Variants in KCNMB2 observed in about 807,000 individuals in gnomAD.
KCNMB2 encodes calcium-activated potassium channel subunit beta-2.
Under a neutral mutation model 24.5 loss-of-function variants are expected in KCNMB2, and 9 were observed. The ratio of observed to expected loss-of-function variants is 0.37; its 90% CI spans 0.22 to 0.64. The LOEUF (loss-of-function observed/expected upper bound fraction) is 0.64. Among genes scored for constraint, KCNMB2 ranks in the 30% least tolerant of loss-of-function variants. The probability of loss-of-function intolerance (pLI) is 0.63; values close to 1 mark genes in which losing one functional copy is unlikely to be tolerated. For missense variants in KCNMB2, 226 were observed against 284.3 expected, an observed-to-expected ratio of 0.79 and a Z score of 1.47; for synonymous variants, 109 against 104.4, an observed-to-expected ratio of 1.04 and a Z score of -0.27.
At chr3:178,694,496 C>T (rs1577103609) in intron 1 of KCNMB2, among the ~76,000 whole-genome samples, 1 of 152,300 alleles carries the variant, frequency 6.6e-6, no homozygotes, top group Non-Finnish European at 1.5e-5. Flanking sequence ...TGAGACCAGG[C>T]AAGTCCCTTC....
At chr3:178,690,852 T>A (rs1439581208) in intron 1 of KCNMB2, among the ~76,000 whole-genome samples, 1 of 152,220 alleles carries the variant, frequency 6.6e-6, no homozygotes, top group Non-Finnish European at 1.5e-5. Context: ...AGGGAATCTA[T>A]GGAATCATCT....
chr3:178,816,104 A>G (rs1013200325), intron 2 of KCNMB2, among the ~76,000 whole-genome samples: 7 of 151,912 alleles, frequency 4.6e-5, no homozygotes, highest in African/African-American at 1.7e-4. Flanking sequence ...TTAGCTATAA[A>G]TCATCAGAGA....
At chr3:178,617,691 C>A (rs931231233) in intron 1 of KCNMB2, among the ~76,000 whole-genome samples, 2 of 151,826 alleles carry the variant, frequency 1.3e-5, no homozygotes, top group African/African-American at 4.8e-5. Flanking sequence ...AGATCAAGAT[C>A]ATCCTGGCCA....
chr3:178,664,288 A>G (rs1404449618), intron 1 of KCNMB2, among the ~76,000 whole-genome samples: 1 of 152,144 alleles, frequency 6.6e-6, no homozygotes, highest in Non-Finnish European at 1.5e-5. Context: ...TTGGAATTTT[A>G]GAAACATTTC....
intron 1 of KCNMB2, among the ~76,000 whole-genome samples, chr3:178,571,933 T>C (rs1280942975): frequency 3.9e-5 from 6 of 152,220 alleles, no homozygotes. Context: ...AGCTTATCAC[T>C]GATGGGCTTT....
intron 1 of KCNMB2, among the ~76,000 whole-genome samples, chr3:178,732,054 G>A (rs1020981369): frequency 4.6e-5 from 7 of 152,142 alleles, no homozygotes; most frequent in Non-Finnish European, 5.9e-5. Flanking sequence ...ACCAAGGATT[G>A]CAAGGTAAAA....
At chr3:178,801,919 G>A (rs1347610626) in intron 1 of KCNMB2, 1 of 152,198 alleles carries the variant, frequency 6.6e-6, no homozygotes, top group Non-Finnish European at 1.5e-5. Flanking sequence ...GGTCCCCACA[G>A]TACCTAGGAC....
intron 1 of KCNMB2, among the ~76,000 whole-genome samples, chr3:178,560,536 G>T (rs747016024): frequency 1.3e-5 from 2 of 152,128 alleles, no homozygotes; most frequent in Non-Finnish European, 2.9e-5. Context: ...CCACTGAGCC[G>T]CACAAGCACA....
At chr3:178,581,383 C>A (rs1717197218) in intron 1 of KCNMB2, among the ~76,000 whole-genome samples, 1 of 152,154 alleles carries the variant, frequency 6.6e-6, no homozygotes, top group Non-Finnish European at 1.5e-5. Flanking sequence ...GGATTAAAGT[C>A]TTAAACATAA....
intron 1 of KCNMB2, among the ~76,000 whole-genome samples, chr3:178,562,474 C>A (rs529792364): frequency 8.7e-4 from 133 of 152,294 alleles, no homozygotes; most frequent in Non-Finnish European, 1.7e-3. Flanking sequence ...GAGAAGAAGA[C>A]CCAAGAGCTA....
chr3:178,712,880 T>C (rs1344444578), intron 1 of KCNMB2, among the ~76,000 whole-genome samples: 1 of 152,190 alleles, frequency 6.6e-6, no homozygotes, highest in Non-Finnish European at 1.5e-5. Flanking sequence ...GAATTGGGAA[T>C]ACTAGGTATT....
intron 1 of KCNMB2, among the ~76,000 whole-genome samples, chr3:178,610,492 A>G (rs951292198): frequency 6.6e-6 from 1 of 152,080 alleles, no homozygotes; most frequent in African/African-American, 2.4e-5. Context: ...TAATTCCTAG[A>G]TATATAATTT....
At chr3:178,602,496 A>G (rs1026115532) in intron 1 of KCNMB2, among the ~76,000 whole-genome samples, 2 of 152,044 alleles carry the variant, frequency 1.3e-5, no homozygotes, top group Non-Finnish European at 2.9e-5. Context: ...CAATAAAAAA[A>G]TAGCCATTAC....
intron 4 of KCNMB2, among the ~76,000 whole-genome samples, chr3:178,835,323 A>G (rs1425238216): frequency 1.3e-5 from 2 of 152,150 alleles, no homozygotes; most frequent in Admixed American, 6.6e-5. Context: ...CAGATACTAG[A>G]AGTTCAAACT....
At chr3:178,745,433 C>G (rs973292892) in intron 1 of KCNMB2, among the ~76,000 whole-genome samples, 11 of 152,136 alleles carry the variant, frequency 7.2e-5, no homozygotes, top group Admixed American at 4.6e-4. Flanking sequence ...ACCTCCCACT[C>G]GGTCCCTCCC....
At chr3:178,799,440 A>AT (rs1713686679) in intron 1 of KCNMB2, among the ~76,000 whole-genome samples, 1 of 152,148 alleles carries the variant, frequency 6.6e-6, no homozygotes. Flanking sequence ...ATAACTACAA[A>AT]TAAAAAAAAA....
rs559511532 is a variant in KCNMB2 at position 178,746,781 on chromosome 3, C to G, written c.-67-60562C>G. On this transcript the variant is annotated intron_variant, in intron 1 of 4. Transcript: ENST00000452583. ...AGGGCAGGGGCAAAATGCCACCAGT[C>G]TCTTTGCTAAAGCATGAAAAGAGTC... Among the ~76,000 whole-genome samples, 33 of 152,314 alleles carry G rather than the reference C, an allele frequency of 2.2e-4. 1 individual carries two copies. In the South Asian group the frequency reaches 6.4e-3, roughly 30 times the overall value.
At chr3:178,671,976 T>C (rs550465465) in intron 1 of KCNMB2, among the ~76,000 whole-genome samples, 1 of 152,280 alleles carries the variant, frequency 6.6e-6, no homozygotes, top group Non-Finnish European at 1.5e-5. Context: ...AGAGAACTCA[T>C]GAAATCTTTT....
chr3:178,767,303 T>C (rs1284005260), intron 1 of KCNMB2, among the ~76,000 whole-genome samples: 1 of 152,156 alleles, frequency 6.6e-6, no homozygotes, highest in Non-Finnish European at 1.5e-5. Context: ...GGTGAAATAA[T>C]ATACACAAAT....
Sources: allele counts gnomAD v4.1 joint callset (sites outside exome capture counted in the v4.1 genomes callset), GRCh38; gene constraint gnomAD v4.1.1; transcripts MANE v1.5; gene names NCBI Gene and HGNC (gene_info 2026-07-23, HGNC 2026-07-21).